AFF3: variants seen among roughly 807,000 people sequenced by gnomAD.
AFF3 encodes AF4/FMR2 family member 3.
Under a neutral mutation model 129.7 loss-of-function variants are expected in AFF3, and 32 were observed. The observed-to-expected ratio is 0.25, with a 90% CI of 0.19 to 0.33. AFF3 has a LOEUF of 0.33. AFF3 is among the 10% of genes least tolerant of loss of function. The pLI, the probability that AFF3 is intolerant of heterozygous loss-of-function variation, is 1.00. For synonymous variants in AFF3, 644 were observed against 635.4 expected (o/e 1.01, Z -0.20); for missense variants, 1,373 against 1,592.0 (o/e 0.86, Z 2.34).
At chr2:99,753,301 T>C (rs1307476669) in intron 8 of AFF3, among the ~76,000 whole-genome samples, 6 of 13,240 alleles carry the variant, frequency 4.5e-4, no homozygotes, top group African/African-American at 7.0e-4. Context: ...GGTTTCACCA[T>C]GTTGGCCAGG....
intron 18 of AFF3, chr2:99,572,641 C>A (rs1450244979): frequency 2.2e-6 from 1 of 455,664 alleles, no homozygotes; most frequent in East Asian, 6.9e-5. Context: ...AACTGCATAC[C>A]AAATGAATTC....
intron 7 of AFF3, among the ~76,000 whole-genome samples, chr2:99,996,669 C>T (rs1056615696): frequency 5.9e-5 from 9 of 151,874 alleles, no homozygotes; most frequent in African/African-American, 2.2e-4. Context: ...CGTGAGCCAC[C>T]GCGCCCAGCC....
chr2:100,030,797 A>T (rs998645509), intron 4 of AFF3, among the ~76,000 whole-genome samples: 4 of 152,220 alleles, frequency 2.6e-5, no homozygotes, highest in African/African-American at 9.6e-5. Flanking sequence ...ACATGCTGAG[A>T]AAAGCTAAAT....
intron 7 of AFF3, among the ~76,000 whole-genome samples, chr2:99,997,698 C>A (rs1478890606): frequency 6.6e-6 from 1 of 152,158 alleles, no homozygotes; most frequent in African/African-American, 2.4e-5. Flanking sequence ...GCCTCCCCTG[C>A]CACTTCTCCC....
intron 18 of AFF3, among the ~76,000 whole-genome samples, chr2:99,577,346 C>T (rs1677094113): frequency 1.3e-5 from 2 of 152,292 alleles, no homozygotes; most frequent in African/African-American, 4.8e-5. Flanking sequence ...GCTTTCTGTG[C>T]TCCATGTGAC....
At chr2:99,971,209 G>A (rs1678338527) in intron 7 of AFF3, among the ~76,000 whole-genome samples, 1 of 152,062 alleles carries the variant, frequency 6.6e-6, no homozygotes, top group South Asian at 2.1e-4. Context: ...GCCCATTCTT[G>A]CCCGTCCAGT....
chr2:100,105,207 C>G lies in AFF3; in HGVS notation c.-65+297G>C, dbSNP rs954646164. ...GGGCTGCACGCACTTCTCCCGCGGC[C>G]CAGAATCCACTTGACCCTGCTGGGC... On this transcript the variant is annotated intron_variant, in intron 3 of 24. Coordinates refer to ENST00000672756, the MANE Select transcript of AFF3 (RefSeq NM_001386135.1). 1.7e-4 allele frequency: 127 copies of G among 742,392 alleles called. 1 individual carries two copies. The highest frequency in any genetic ancestry group is 2.2e-4 in the Non-Finnish European group (124 of 568,366). 46.0% of individuals were successfully genotyped at this position (742,392 alleles called of 1,614,324 possible).
intron 7 of AFF3, among the ~76,000 whole-genome samples, chr2:100,002,039 G>A (rs1681468810): frequency 6.6e-6 from 1 of 152,214 alleles, no homozygotes; most frequent in Admixed American, 6.5e-5. Flanking sequence ...GACTGCCATG[G>A]GTGAGCGAGG....
rs578055459 is a variant in AFF3 at position 99,883,292 on chromosome 2, T to A, written c.874-45768A>T. ...CCTTTCAAGTATAAAAGAAATAAGC[T>A]ACCCCCTAAAGGTTTTCTGAAAAAA... On this transcript the variant is annotated intron_variant, in intron 7 of 24. Coordinates refer to ENST00000672756, the MANE Select transcript of AFF3 (RefSeq NM_001386135.1). 2.6e-5 allele frequency among the ~76,000 whole-genome samples: 4 copies of A among 152,320 alleles called. No individual in the cohort carries two copies. In the South Asian group the frequency reaches 8.3e-4, roughly 32 times the overall value.
intron 8 of AFF3, among the ~76,000 whole-genome samples, chr2:99,765,252 A>T (rs1682913408): frequency 6.6e-6 from 1 of 152,238 alleles, no homozygotes; most frequent in Non-Finnish European, 1.5e-5. Context: ...CTTAAAGGAA[A>T]AAATGGCATT....
rs1270339086 is a variant in AFF3 at position 100,016,499 on chromosome 2, A to G, written c.54-7567T>C. 4.5e-5 allele frequency among the ~76,000 whole-genome samples: 6 copies of G among 132,214 alleles called. No individual in the cohort carries two copies. In the East Asian group the frequency reaches 1.2e-3, roughly 26 times the overall value. 86.7% of individuals were successfully genotyped at this position (132,214 alleles called of 152,430 possible). A position where few individuals can be genotyped will look rare whatever the true frequency, so the allele number is the denominator to read the frequency against. ...TGTTGGTGATGAAAGTGGTGATGGT[A>G]CTGGTGGTGATAGTGGTGGTGGCGG... On this transcript the variant is annotated intron_variant, in intron 4 of 24. Transcript: ENST00000672756.
intron 20 of AFF3, among the ~76,000 whole-genome samples, chr2:99,562,173 T>G (rs1675534186): frequency 6.6e-6 from 1 of 152,366 alleles, no homozygotes; most frequent in African/African-American, 2.4e-5. Context: ...TAGGTTTTTC[T>G]CTGCTTCTTA....
intron 8 of AFF3, among the ~76,000 whole-genome samples, chr2:99,778,897 C>CGTGTGT (rs61526527): frequency 9.3e-5 from 4 of 43,100 alleles, no homozygotes; most frequent in Admixed American, 6.9e-4. Flanking sequence ...TGTGTGTGCG[C>CGTGTGT]GTGTGTGTGT....
chr2:99,547,297 G>T lies in AFF3; in HGVS notation c.*4177C>A. 1 of 216,180 alleles carries T rather than the reference G, an allele frequency of 4.6e-6. No individual in the cohort carries two copies. Among genetic ancestry groups the T allele is most frequent in the Non-Finnish European group, 9.3e-6 (1 of 106,972 alleles). The allele number at this position is 216,180 out of a possible 1,614,324, so 13.4% of individuals were successfully genotyped here. Reference sequence around the variant, plus strand: ...AATGTAACATTTGCAACCTTAGAAAGGCAGACATGTTTAATCCAAGTCCGT... The same window carrying T: ...AATGTAACATTTGCAACCTTAGAAATGCAGACATGTTTAATCCAAGTCCGT... On this transcript the variant is annotated 3_prime_UTR_variant, in exon 25 of 25. Transcript: ENST00000672756.
intron 7 of AFF3, among the ~76,000 whole-genome samples, chr2:99,869,839 T>C (rs1691735760): frequency 6.6e-6 from 1 of 152,210 alleles, no homozygotes; most frequent in Non-Finnish European, 1.5e-5. Context: ...AAAATCCTGC[T>C]CTTCTCTGGG....
chr2:99,700,581 C>T (rs1575735715), intron 11 of AFF3, among the ~76,000 whole-genome samples: 2 of 152,340 alleles, frequency 1.3e-5, no homozygotes, highest in South Asian at 2.1e-4. Context: ...AAGCCACCCA[C>T]ATTTTGGTTT....
intron 2 of AFF3, among the ~76,000 whole-genome samples, chr2:100,115,752 A>G (rs1559133764): frequency 6.6e-6 from 1 of 152,126 alleles, no homozygotes; most frequent in African/African-American, 2.4e-5. Flanking sequence ...CTGGTGAAGA[A>G]TTCTCTGTGT....
intron 1 of AFF3, among the ~76,000 whole-genome samples, chr2:100,138,140 A>G (rs1028621346): frequency 6.6e-6 from 1 of 152,084 alleles, no homozygotes; most frequent in Non-Finnish European, 1.5e-5. Flanking sequence ...ACCACCAACT[A>G]TCTTCCCTTC....
intron 7 of AFF3, among the ~76,000 whole-genome samples, chr2:99,951,843 G>T (rs1216537221): frequency 6.6e-6 from 1 of 152,088 alleles, no homozygotes. Flanking sequence ...ACAGGGTTTT[G>T]CCATGTTGGC....
Sources: allele counts gnomAD v4.1 joint callset (sites outside exome capture counted in the v4.1 genomes callset), GRCh38; gene constraint gnomAD v4.1.1; transcripts MANE v1.5; gene names NCBI Gene and HGNC (gene_info 2026-07-23, HGNC 2026-07-21).